The following ANTXR1 variants were observed in gnomAD, a reference collection of about 807,000 sequenced individuals.
ANTXR1 encodes the protein anthrax toxin receptor 1.
ANTXR1 carries 19 observed loss-of-function variants against 78.1 expected under a neutral mutation model. The ratio of observed to expected loss-of-function variants is 0.24; its 90% CI spans 0.17 to 0.36. The LOEUF (loss-of-function observed/expected upper bound fraction) is 0.36. Ranked by LOEUF, ANTXR1 falls within the 10% of genes least tolerant of loss-of-function variation. ANTXR1 has a pLI of 1.00. For missense variants in ANTXR1, 518 were observed against 718.6 expected, an observed-to-expected ratio of 0.72 and a Z score of 3.19; for synonymous variants, 273 against 260.5, an observed-to-expected ratio of 1.05 and a Z score of -0.46.
At chr2:69,155,623 A>G (rs947880020) in intron 13 of ANTXR1, among the ~76,000 whole-genome samples, 1 of 152,244 alleles carries the variant, frequency 6.6e-6, no homozygotes, top group Non-Finnish European at 1.5e-5. Context: ...GTTGCAATGT[A>G]TTAGACGAGT....
chr2:69,061,219 G>A (rs1670228020), intron 3 of ANTXR1, among the ~76,000 whole-genome samples: 1 of 152,126 alleles, frequency 6.6e-6, no homozygotes, highest in Non-Finnish European at 1.5e-5. Context: ...ACTAGAGTTT[G>A]AAAATTACCC....
intron 1 of ANTXR1, among the ~76,000 whole-genome samples, chr2:69,016,584 T>C (rs1671032148): frequency 6.6e-6 from 1 of 152,232 alleles, no homozygotes; most frequent in Non-Finnish European, 1.5e-5. Context: ...TACATAATTC[T>C]TAACATACTA....
At chr2:69,051,528 T>C (rs905875738) in intron 3 of ANTXR1, among the ~76,000 whole-genome samples, 2 of 152,064 alleles carry the variant, frequency 1.3e-5, no homozygotes, top group Non-Finnish European at 2.9e-5. Context: ...TGGAAGTTTT[T>C]AAAAATTCAA....
Position 69,246,242 on chromosome 2 carries a change from CCATCAGCA to C in ANTXR1, c.*758_*765del. The C allele has an allele frequency of 6.6e-6, 1 of 152,392 alleles. No individual in the cohort carries two copies. The allele number at this position is 152,392 out of a possible 1,614,324, so 9.4% of individuals were successfully genotyped here. On this transcript the variant is annotated 3_prime_UTR_variant, in exon 18 of 18. Coordinates refer to ENST00000303714, the MANE Select transcript of ANTXR1 (RefSeq NM_032208.3). ...TCAGCCAGTTTCTAAAACCCACAGG[CCATCAGCA>C]GCTAGAGGTGGCTGGCTTTGGCCAG...
chr2:69,168,144 T>A (rs1354309275), intron 13 of ANTXR1, among the ~76,000 whole-genome samples: 1 of 152,222 alleles, frequency 6.6e-6, no homozygotes. Flanking sequence ...TTGGCATCTC[T>A]GTCTGGAAGC....
chr2:69,087,604 T>C (rs1035829043), intron 8 of ANTXR1, among the ~76,000 whole-genome samples: 1 of 152,176 alleles, frequency 6.6e-6, no homozygotes, highest in East Asian at 1.9e-4. Flanking sequence ...CATGCAGTTA[T>C]CTTATCCCTC....
chr2:69,022,269 G>A (rs541929901), intron 1 of ANTXR1, among the ~76,000 whole-genome samples: 3 of 152,290 alleles, frequency 2.0e-5, no homozygotes, highest in Admixed American at 2.0e-4. Flanking sequence ...CTCAATGAGG[G>A]TGCTGTTAGC....
At position 69,013,710 on chromosome 2, in the gene ANTXR1, C is replaced by A; in HGVS notation, c.152+59C>A. The A allele has an allele frequency of 6.4e-6, 10 of 1,550,936 alleles. No homozygotes were observed. Among genetic ancestry groups the A allele is most frequent in the South Asian group, 1.2e-5 (1 of 84,032 alleles). On this transcript the variant is annotated intron_variant, in intron 1 of 17. Coordinates refer to ENST00000303714, the MANE Select transcript of ANTXR1 (RefSeq NM_032208.3). This position sits in a 1 kb window ranked among gnomAD's most constrained non-coding sequence, Gnocchi z 5.0. ...CTAAGCGGGCGAAAACGCTTTCGCC[C>A]CGGGCCGGGCTCGTTGGCAGGGTCG... is the stretch of plus-strand genomic sequence containing the variant.
intron 10 of ANTXR1, among the ~76,000 whole-genome samples, chr2:69,112,050 G>T (rs1319324806): frequency 6.6e-6 from 1 of 152,134 alleles, no homozygotes; most frequent in Non-Finnish European, 1.5e-5. Context: ...ATCATGTGAA[G>T]GTGATGAAAT....
At chr2:69,172,388 GA>G (rs751482669) in intron 14 of ANTXR1, 30 of 1,611,168 alleles carry the variant, frequency 1.9e-5, no homozygotes, top group Admixed American at 1.2e-4. Context: ...AAAATAACAA[GA>G]AGAAGAAAGA....
chr2:69,017,244 C>A (rs1028284031), intron 1 of ANTXR1, among the ~76,000 whole-genome samples: 1 of 152,166 alleles, frequency 6.6e-6, no homozygotes, highest in African/African-American at 2.4e-5. Context: ...GATCTTCTGT[C>A]CTAGAGAGAA....
intron 3 of ANTXR1, among the ~76,000 whole-genome samples, chr2:69,053,832 C>A: frequency 6.6e-6 from 1 of 152,190 alleles, no homozygotes; most frequent in East Asian, 1.9e-4. Context: ...TTCATATACT[C>A]ACTGGCAACA....
At chr2:69,107,544 A>G (rs917686041) in intron 10 of ANTXR1, among the ~76,000 whole-genome samples, 22 of 152,276 alleles carry the variant, frequency 1.4e-4, no homozygotes, top group Admixed American at 1.4e-3. Flanking sequence ...CCAGCCAAGA[A>G]AAAGCATATA....
At chr2:69,079,062 C>A (rs571177269) in intron 8 of ANTXR1, among the ~76,000 whole-genome samples, 2 of 152,066 alleles carry the variant, frequency 1.3e-5, no homozygotes, top group South Asian at 2.1e-4. Flanking sequence ...GAATTTCTGT[C>A]TTAATTATGT....
chr2:69,138,154 C>G (rs1465477800), intron 12 of ANTXR1, among the ~76,000 whole-genome samples: 1 of 148,854 alleles, frequency 6.7e-6, no homozygotes, highest in Non-Finnish European at 1.5e-5. Context: ...AAGGAGTTGT[C>G]AGTGGGAAAG....
chr2:69,137,307 A>G (rs139481060), intron 12 of ANTXR1, among the ~76,000 whole-genome samples: 1 of 152,250 alleles, frequency 6.6e-6, no homozygotes, highest in East Asian at 1.9e-4. Context: ...GCTTCTGGGT[A>G]CCTGAATATC....
At chr2:69,145,737 C>A in intron 12 of ANTXR1, 1 of 1,044,706 alleles carries the variant, frequency 9.6e-7, no homozygotes. Context: ...CCATTCTATC[C>A]TCCTCCCTTT....
At chr2:69,129,774 T>G (rs1342773618) in intron 12 of ANTXR1, among the ~76,000 whole-genome samples, 3 of 149,648 alleles carry the variant, frequency 2.0e-5, no homozygotes, top group Non-Finnish European at 3.0e-5. Context: ...AGTGTATAAA[T>G]GTATAATAAA....
At chr2:69,033,161 G>C (rs1466230145) in intron 1 of ANTXR1, among the ~76,000 whole-genome samples, 2 of 152,206 alleles carry the variant, frequency 1.3e-5, no homozygotes, top group East Asian at 3.8e-4. Context: ...GACACAGACA[G>C]GAGCAGAGCG....
Sources: allele counts gnomAD v4.1 joint callset (sites outside exome capture counted in the v4.1 genomes callset), GRCh38; gene constraint gnomAD v4.1.1; non-coding constraint Gnocchi (gnomAD v3.1); transcripts MANE v1.5; gene names NCBI Gene and HGNC (gene_info 2026-07-23, HGNC 2026-07-21).